EXOC3L4: variants seen among roughly 807,000 people sequenced by gnomAD.
EXOC3L4 encodes the protein exocyst complex component 3 like 4.
A neutral mutation model predicts 69.7 loss-of-function variants in EXOC3L4; 62 were observed. The observed-to-expected ratio is 0.89, with a 90% CI of 0.72 to 1.10. The LOEUF is 1.10. EXOC3L4 is among the 50% of genes least tolerant of loss of function. The probability of loss-of-function intolerance (pLI) is 0.00; values close to 1 mark genes in which losing one functional copy is unlikely to be tolerated. For missense variants in EXOC3L4, 1,087 were observed against 1,034.8 expected, an observed-to-expected ratio of 1.05 and a Z score of -0.69; for synonymous variants, 502 against 464.2, an observed-to-expected ratio of 1.08 and a Z score of -1.05.
At chr14:103,104,700 G>T (rs1468640069) in intron 5 of EXOC3L4, 38 bp from the exon 6 acceptor site, 3 of 1,443,600 alleles carry the variant, frequency 2.1e-6, no homozygotes, top group Admixed American at 5.2e-5. Flanking sequence ...TCAGGTCGGG[G>T]GCTGGGAGGC....
rs867137674 is a variant in EXOC3L4, at chr14:103,108,499, G to A, written c.1958G>A (p.Arg653Gln). 40 of 1,613,674 alleles carry A rather than the reference G, an allele frequency of 2.5e-5. No individual in the cohort carries two copies. Among genetic ancestry groups the A allele is most frequent in the Admixed American group, 1.0e-4 (6 of 59,972 alleles). The part of the protein sequence containing the change: ...DIQRHLETLI[R>Q]SYPDIRRDHI... ...CAGCGGCACCTGGAGACTCTTATCC[G>A]GAGCTACCCCGACATCAGGTGTGTA... The change falls in exon 11 of 12, where the codon CGG (arginine) becomes CAG (glutamine). Residue 653 changes from arginine to glutamine, a missense_variant. Physicochemically the swap from Arg to Gln is conservative, Grantham distance 43. Coordinates refer to ENST00000688303, the MANE Select transcript of EXOC3L4 (RefSeq NM_001077594.2).
intron 1 of EXOC3L4, among the ~76,000 whole-genome samples, chr14:103,096,593 A>G (rs1889897978): frequency 6.6e-6 from 1 of 152,152 alleles, no homozygotes; most frequent in Non-Finnish European, 1.5e-5. Context: ...CCTAATTAGC[A>G]TTTCTGTGAG....
At chr14:103,107,322 C>T (rs1890615950) in intron 8 of EXOC3L4, 102 bp from the exon 9 acceptor site, 2 of 1,524,810 alleles carry the variant, frequency 1.3e-6, no homozygotes, top group Non-Finnish European at 1.8e-6. Flanking sequence ...GCACCCCAAA[C>T]CCAGGAGGGA....
At chr14:103,102,900 G>A (rs1351954656) in intron 3 of EXOC3L4, 128 bp downstream of exon 3, 2 of 994,078 alleles carry the variant, frequency 2.0e-6, no homozygotes, top group Non-Finnish European at 2.6e-6. Context: ...GCTGAGAGCC[G>A]AGGGCTTCGA....
At chr14:103,096,300 G>T (rs1292897216) in intron 1 of EXOC3L4, among the ~76,000 whole-genome samples, 2 of 152,028 alleles carry the variant, frequency 1.3e-5, no homozygotes, top group Non-Finnish European at 2.9e-5. Context: ...GCTGTGGTGA[G>T]CTATGATCGC....
chr14:103,099,209 C>G (rs547184970), intron 1 of EXOC3L4, among the ~76,000 whole-genome samples: 1 of 152,284 alleles, frequency 6.6e-6, no homozygotes, highest in East Asian at 1.9e-4. Context: ...CCCTCCCCCA[C>G]CCATGGCCCA....
In EXOC3L4 at chr14:103,107,561, G is replaced by A; in HGVS notation, c.1701+18G>A. On this transcript the variant is annotated intron_variant, in intron 9 of 11. Transcript: ENST00000688303. ...GGGCACAGGTACCACAAGGGGGAGG[G>A]CCCTGGCAGGGCTGTGCCCAGGATT... 1 of 1,613,150 alleles carries A rather than the reference G, an allele frequency of 6.2e-7. No homozygotes were observed. The highest frequency in any genetic ancestry group is 1.3e-5 in the African/African-American group (1 of 75,078).
At position 103,100,308 on chromosome 14, in the gene EXOC3L4, G is replaced by A. The variant is rs769031965; in HGVS notation, c.89G>A (p.Arg30Gln). 14 of 1,584,582 alleles carry A rather than the reference G, an allele frequency of 8.8e-6. No homozygotes were observed. The highest frequency in any genetic ancestry group is 7.2e-5 in the Admixed American group (4 of 55,424). The change falls in exon 2 of 12, where the codon CGG becomes CAG. Residue 30 changes from arginine (R) to glutamine (Q), a missense_variant. By Grantham distance (43) the Arg-to-Gln change is conservative (BLOSUM62 1). Transcript: ENST00000688303. ...CCACAGACTCCAGCTCAGGGCTCCC[G>A]GCGAACAAGCAGCAGGAAAGAGCCC... ...EEPQTPAQGSRRTSSRKEPNA... is the reference protein window; with the variant it reads ...EEPQTPAQGSQRTSSRKEPNA...
chr14:103,107,106 G>C (rs1890600909), intron 8 of EXOC3L4, among the ~76,000 whole-genome samples: 2 of 152,184 alleles, frequency 1.3e-5, no homozygotes, highest in African/African-American at 2.4e-5. Context: ...TCAGTCTCCA[G>C]CTCTTAGTGG....
rs1353362454 is a variant in EXOC3L4, at chr14:103,110,181, C to A, written c.2127C>A (p.Ile709=). The A allele has an allele frequency of 1.3e-6, 2 of 1,527,218 alleles. No homozygotes were observed. The highest frequency in any genetic ancestry group is 8.8e-7 in the Non-Finnish European group (1 of 1,135,670). The allele number at this position is 1,527,218 out of a possible 1,614,324, so 94.6% of individuals were successfully genotyped here. ...GGGGCCGCGTGCTCTTCGAGGAGAT[C>A]AAGGTGCCCAGTGCCATGGCTGTGC... is the stretch of plus-strand genomic sequence containing the variant. The part of the protein sequence containing the change: ...APRGRVLFEE[I]KVPSAMAVLI... The change falls in exon 12 of 12, where the codon ATC becomes ATA. Residue 709 remains isoleucine, a synonymous_variant. Coordinates refer to ENST00000688303, the MANE Select transcript of EXOC3L4 (RefSeq NM_001077594.2).
chr14:103,107,318 C>T (rs1197595859), intron 8 of EXOC3L4, 106 bp from the exon 9 acceptor site: 2 of 1,518,780 alleles, frequency 1.3e-6, no homozygotes, highest in African/African-American at 2.7e-5. Flanking sequence ...AATGGCACCC[C>T]AAACCCAGGA....
rs754441404 is a variant in EXOC3L4, at chr14:103,100,359, G to A, written c.140G>A (p.Arg47Lys). Reference sequence around the variant, plus strand: ...AATGCCCACCGCAAGGATGGCACAAGGCTGGGCCTGGGCTCCCTGAGGCAG... The same window carrying A: ...AATGCCCACCGCAAGGATGGCACAAAGCTGGGCCTGGGCTCCCTGAGGCAG... ...EPNAHRKDGT[R>K]LGLGSLRQAF... Residue 47 changes from arginine (R) to lysine (K), a missense_variant, in exon 2 of 12, where the codon AGG (arginine) becomes AAG (lysine). Physicochemically the swap from Arg to Lys is conservative, Grantham distance 26. Transcript: ENST00000688303. 6.2e-7 allele frequency: 1 copy of A among 1,604,760 alleles called. No individual in the cohort carries two copies. Among genetic ancestry groups the A allele is most frequent in the East Asian group, 2.2e-5 (1 of 44,556 alleles).
Position 103,106,970 on chromosome 14 carries a change from G to C in EXOC3L4, c.1581+71G>C, listed in dbSNP as rs1016787783. On this transcript the variant is annotated intron_variant, in intron 8 of 11. Coordinates refer to ENST00000688303, the MANE Select transcript of EXOC3L4 (RefSeq NM_001077594.2). ...CACCCCCTATTTCCTAGAGCCTGGG[G>C]GCCCAGGTCACAGCATTCATTTATT... The C allele has an allele frequency of 3.2e-6, 4 of 1,252,618 alleles. No individual in the cohort carries two copies. In the Admixed American group the frequency reaches 9.9e-5, roughly 31 times the overall value. 77.6% of individuals were successfully genotyped at this position (1,252,618 alleles called of 1,614,324 possible). A position where few individuals can be genotyped will look rare whatever the true frequency, so the allele number is the denominator to read the frequency against.
chr14:103,104,492 C>A, intron 5 of EXOC3L4, 103 bp downstream of exon 5: 36 of 1,392,926 alleles, frequency 2.6e-5, no homozygotes, highest in Non-Finnish European at 2.9e-5. Flanking sequence ...ACCAACCCTT[C>A]CGTTAGATGG....
At chr14:103,095,567 T>C (rs1889855339) in intron 1 of EXOC3L4, among the ~76,000 whole-genome samples, 1 of 152,032 alleles carries the variant, frequency 6.6e-6, no homozygotes. Context: ...TACTTCTGAG[T>C]GATCAGAGTG....
At position 103,104,365 on chromosome 14, in the gene EXOC3L4, GC is replaced by G. The variant is rs763058530; in HGVS notation, c.1262del (p.Pro421ArgfsTer14). 14 of 1,585,576 alleles carry G rather than the reference GC, an allele frequency of 8.8e-6. No individual in the cohort carries two copies. Among genetic ancestry groups the G allele is most frequent in the African/African-American group, 1.4e-5 (1 of 73,610 alleles). On this transcript the variant is annotated frameshift_variant, in exon 5 of 12. Coordinates refer to ENST00000688303, the MANE Select transcript of EXOC3L4 (RefSeq NM_001077594.2). LOFTEE classifies it high-confidence loss of function. ...PEVLQGLYQA[P>X]LSMDVHMLVA... ...AGGTGCTGCAGGGCCTCTACCAGGCGCCGCTGTCCATGGACGTCCATATGGT... is the reference window on the plus strand; with the variant it reads ...AGGTGCTGCAGGGCCTCTACCAGGCGCGCTGTCCATGGACGTCCATATGGT...
chr14:103,099,935 C>T (rs984625410), intron 1 of EXOC3L4, among the ~76,000 whole-genome samples: 11 of 152,332 alleles, frequency 7.2e-5, no homozygotes, highest in East Asian at 1.9e-4. Context: ...GGCCGAGTGA[C>T]GGTGGGCACC....
At chr14:103,096,049 G>A (rs969806226) in intron 1 of EXOC3L4, among the ~76,000 whole-genome samples, 11 of 152,182 alleles carry the variant, frequency 7.2e-5, no homozygotes, top group African/African-American at 2.7e-4. Flanking sequence ...TGCAAGGAAA[G>A]CTTTCAAAGG....
intron 5 of EXOC3L4, 132 bp downstream of exon 5, chr14:103,104,521 G>C (rs1320039620): frequency 2.2e-6 from 3 of 1,361,908 alleles, no homozygotes; most frequent in African/African-American, 1.5e-5. Flanking sequence ...GGCCCCACGC[G>C]GGGGGAAATC....
Sources: allele counts gnomAD v4.1 joint callset (sites outside exome capture counted in the v4.1 genomes callset), GRCh38; gene constraint gnomAD v4.1.1; transcripts MANE v1.5; gene names NCBI Gene and HGNC (gene_info 2026-07-23, HGNC 2026-07-21).